DGKI: variants seen among roughly 807,000 people sequenced by gnomAD.
DGKI encodes diacylglycerol kinase iota, also known as DAG kinase iota.
Under a neutral mutation model 147.5 loss-of-function variants are expected in DGKI, and 55 were observed. The ratio of observed to expected loss-of-function variants is 0.37; its 90% CI spans 0.30 to 0.47. The LOEUF (loss-of-function observed/expected upper bound fraction) is 0.47. Ranked by LOEUF, DGKI falls within the 20% of genes least tolerant of loss-of-function variation. DGKI has a pLI of 1.00. For synonymous variants in DGKI, 469 were observed against 477.1 expected, an observed-to-expected ratio of 0.98 and a Z score of 0.22; for missense variants, 1,007 against 1,323.8, an observed-to-expected ratio of 0.76 and a Z score of 3.71.
At chr7:137,435,752 A>G (rs1264168843) in intron 28 of DGKI, among the ~76,000 whole-genome samples, 1 of 152,166 alleles carries the variant, frequency 6.6e-6, no homozygotes, top group Non-Finnish European at 1.5e-5. Context: ...GCAATTAAAG[A>G]TCTGCACATA....
At chr7:137,792,074 T>C (rs1353856833) in intron 1 of DGKI, among the ~76,000 whole-genome samples, 2 of 152,222 alleles carry the variant, frequency 1.3e-5, no homozygotes, top group Non-Finnish European at 2.9e-5. Context: ...CTCTGAGGCA[T>C]GAGCCATAGG....
At chr7:137,486,720 A>C (rs1815574040) in intron 22 of DGKI, among the ~76,000 whole-genome samples, 1 of 152,152 alleles carries the variant, frequency 6.6e-6, no homozygotes, top group South Asian at 2.1e-4. Flanking sequence ...TCAAATATTC[A>C]GGGTGAAGTG....
At chr7:137,459,470 ATTTTTT>A (rs68045398) in intron 27 of DGKI, among the ~76,000 whole-genome samples, 4 of 107,484 alleles carry the variant, frequency 3.7e-5, no homozygotes, top group African/African-American at 1.1e-4. Context: ...AATTTTTTAA[ATTTTTT>A]TTTTTTTTTT....
intron 8 of DGKI, among the ~76,000 whole-genome samples, chr7:137,612,749 A>G (rs1820408505): frequency 6.6e-6 from 1 of 152,138 alleles, no homozygotes; most frequent in South Asian, 2.1e-4. Context: ...AACCTGTAAC[A>G]CTTGTGCTAT....
At chr7:137,541,366 A>T (rs1817697782) in intron 20 of DGKI, among the ~76,000 whole-genome samples, 1 of 152,252 alleles carries the variant, frequency 6.6e-6, no homozygotes, top group Admixed American at 6.5e-5. Flanking sequence ...GGTTTTGTCT[A>T]TACCGAACAT....
At chr7:137,531,400 A>G (rs999795434) in intron 20 of DGKI, among the ~76,000 whole-genome samples, 4 of 152,194 alleles carry the variant, frequency 2.6e-5, no homozygotes, top group Non-Finnish European at 5.9e-5. Context: ...AGTTACTTTT[A>G]ATACCATAGC....
chr7:137,690,167 G>T (rs1197763630), intron 1 of DGKI, among the ~76,000 whole-genome samples, 165 bp from the exon 2 acceptor site: 1 of 152,172 alleles, frequency 6.6e-6, no homozygotes, highest in African/African-American at 2.4e-5. Context: ...AAAGTGCATG[G>T]TGTCCAAAGA....
At chr7:137,656,363 A>G in intron 4 of DGKI, 103 bp downstream of exon 4, 2 of 1,194,468 alleles carry the variant, frequency 1.7e-6, no homozygotes, top group Non-Finnish European at 2.4e-6. Flanking sequence ...GCTTTTTTTT[A>G]AGGGCATTGT....
Position 137,624,243 on chromosome 7 carries a change from C to T in DGKI, c.805-689G>A, listed in dbSNP as rs892102519. ...GGCTGCTGCTGTCCCTAAATAATGG[C>T]CAGAGAGAAGTATGTAGTATTGCAC... On this transcript the variant is annotated intron_variant, in intron 6 of 32. Transcript: ENST00000614521. 7.2e-4 allele frequency among the ~76,000 whole-genome samples: 109 copies of T among 152,152 alleles called. 1 individual carries two copies. The highest frequency in any genetic ancestry group is 2.5e-3 in the African/African-American group (102 of 41,430).
intron 10 of DGKI, among the ~76,000 whole-genome samples, chr7:137,602,126 T>C (rs1403544031): frequency 1.3e-5 from 2 of 152,190 alleles, no homozygotes; most frequent in East Asian, 1.9e-4. Context: ...GACCAACTAA[T>C]TTATAAAACA....
chr7:137,521,940 C>T lies in DGKI; in HGVS notation c.2174G>A (p.Arg725Lys). Residue 725 changes from arginine (R) to lysine (K), a missense_variant, in exon 21 of 33, where the codon AGG becomes AAG. By Grantham distance (26) the Arg-to-Lys change is conservative. Coordinates refer to ENST00000614521, the MANE Select transcript of DGKI (RefSeq NM_001321708.2). The part of the protein sequence containing the change: ...NDPQSVPDRL[R>K]IRVNKISLQD... ...TAAACTGATTTTGTTCACCCGGATC[C>T]TCAGACGATCTGGGACAGACTGGGG... 1 of 1,611,702 alleles carries T rather than the reference C, an allele frequency of 6.2e-7. No homozygotes were observed. The highest frequency in any genetic ancestry group is 8.5e-7 in the Non-Finnish European group (1 of 1,178,606).
intron 17 of DGKI, among the ~76,000 whole-genome samples, chr7:137,574,999 A>G (rs1818921459): frequency 6.6e-6 from 1 of 152,190 alleles, no homozygotes; most frequent in African/African-American, 2.4e-5. Flanking sequence ...TTCATCTCAC[A>G]CTCAGGAAAA....
Position 137,387,885 on chromosome 7 carries a change from T to G in DGKI, c.*3335A>C, listed in dbSNP as rs1176994565. The G allele has an allele frequency of 6.6e-6, 1 of 152,132 alleles. No homozygotes were observed. Among genetic ancestry groups the G allele is most frequent in the Non-Finnish European group, 1.5e-5 (1 of 68,008 alleles). 9.4% of individuals were successfully genotyped at this position (152,132 alleles called of 1,614,324 possible). On this transcript the variant is annotated 3_prime_UTR_variant, in exon 33 of 33. Transcript: ENST00000614521. ...TGAATATTATAAGGGGTCTAGTAAATAAATAAATTTCAGAAATTCGTTAGG... is the reference window on the plus strand; with the variant it reads ...TGAATATTATAAGGGGTCTAGTAAAGAAATAAATTTCAGAAATTCGTTAGG...
chr7:137,545,761 A>G, intron 20 of DGKI: 1 of 477,546 alleles, frequency 2.1e-6, no homozygotes, highest in East Asian at 3.2e-5. Context: ...CAAATCAAAG[A>G]GGGCAACAGA....
At chr7:137,788,854 G>A (rs1332190259) in intron 1 of DGKI, among the ~76,000 whole-genome samples, 1 of 152,098 alleles carries the variant, frequency 6.6e-6, no homozygotes, top group Non-Finnish European at 1.5e-5. Flanking sequence ...TCATCTCTGT[G>A]CTTCACTATG....
chr7:137,493,910 C>T, intron 21 of DGKI: 1 of 608,188 alleles, frequency 1.6e-6, no homozygotes, highest in South Asian at 2.0e-5. Flanking sequence ...AGTTAACACC[C>T]AATCCAAAAA....
At position 137,572,803 on chromosome 7, in the gene DGKI, T is replaced by C. The variant is rs1273828373; in HGVS notation, c.1797A>G (p.Glu599=). The C allele has an allele frequency of 6.2e-7, 1 of 1,612,342 alleles. No individual in the cohort carries two copies. The highest frequency in any genetic ancestry group is 1.7e-5 in the Admixed American group (1 of 59,622). ...AAAATACTATACACTGGAACTTCAGTTCCTGAATCTTTGGGGTGAGATCTG... is the reference window on the plus strand; with the variant it reads ...AAAATACTATACACTGGAACTTCAGCTCCTGAATCTTTGGGGTGAGATCTG... ...DGTDLTPKIQ[E]LKFQCIVFLN... The change falls in exon 18 of 33, where the codon GAA becomes GAG. Residue 599 remains glutamate, a synonymous_variant. Transcript: ENST00000614521.
chr7:137,674,187 C>T (rs945342754), intron 3 of DGKI, among the ~76,000 whole-genome samples: 1 of 152,154 alleles, frequency 6.6e-6, no homozygotes, highest in Non-Finnish European at 1.5e-5. Context: ...AATTTAATTC[C>T]ATTACGTATC....
intron 4 of DGKI, among the ~76,000 whole-genome samples, chr7:137,655,611 G>A (rs190617413): frequency 1.5e-4 from 23 of 152,326 alleles, no homozygotes; most frequent in African/African-American, 5.3e-4. Context: ...AGGAGCAAAA[G>A]AATGAAGGCA....
Sources: allele counts gnomAD v4.1 joint callset (sites outside exome capture counted in the v4.1 genomes callset), GRCh38; gene constraint gnomAD v4.1.1; transcripts MANE v1.5; gene names NCBI Gene and HGNC (gene_info 2026-07-23, HGNC 2026-07-21).